Variants in MEF2A observed in about 807,000 individuals in gnomAD.
MEF2A encodes the protein myocyte-specific enhancer factor 2A.
A neutral mutation model predicts 55.8 loss-of-function variants in MEF2A; 28 were observed. The observed-to-expected ratio is 0.50, with a 90% CI of 0.37 to 0.69. MEF2A has a LOEUF of 0.69. Among genes scored for constraint, MEF2A ranks in the 30% least tolerant of loss-of-function variants. MEF2A has a pLI of 0.00. For synonymous variants in MEF2A, 239 were observed against 227.1 expected, an observed-to-expected ratio of 1.05 and a Z score of -0.47; for missense variants, 528 against 626.2, an observed-to-expected ratio of 0.84 and a Z score of 1.67.
At chr15:99,691,426 A>G (rs2055433517) in intron 8 of MEF2A, among the ~76,000 whole-genome samples, 1 of 152,186 alleles carries the variant, frequency 6.6e-6, no homozygotes, top group East Asian at 1.9e-4. Context: ...GGCAGGGTAC[A>G]GTGGCTCACA....
chr15:99,644,682 C>T (rs1272416122), intron 3 of MEF2A, among the ~76,000 whole-genome samples: 2 of 152,170 alleles, frequency 1.3e-5, no homozygotes, highest in Non-Finnish European at 2.9e-5. Flanking sequence ...ACTGACCTTT[C>T]AAAAACTGTT....
At chr15:99,706,012 T>C (rs985865533) in intron 9 of MEF2A, among the ~76,000 whole-genome samples, 6 of 152,234 alleles carry the variant, frequency 3.9e-5, no homozygotes, top group African/African-American at 1.4e-4. Context: ...TATTTAATAG[T>C]TGAATTTTTT....
intron 4 of MEF2A, among the ~76,000 whole-genome samples, chr15:99,647,234 C>CT (rs1290263939): frequency 6.6e-6 from 1 of 150,532 alleles, no homozygotes; most frequent in African/African-American, 2.4e-5. Flanking sequence ...TTCAGGTAAG[C>CT]TTTGTTAAGA....
intron 1 of MEF2A, among the ~76,000 whole-genome samples, chr15:99,579,526 C>G (rs1193029645): frequency 1.3e-5 from 2 of 152,074 alleles, no homozygotes; most frequent in African/African-American, 2.4e-5. Context: ...TCCCAAGTAG[C>G]TGGGATTACA....
In MEF2A at chr15:99,671,407, T is replaced by G. The variant is rs1032884839; in HGVS notation, c.343T>G (p.Phe115Val). The stretch of plus-strand genomic sequence containing the variant: ...GCACAGTCCACTCTCGGAGGACAGA[T>G]TCAGCAAACTAAATGAAGATAGTGA... ...FEHSPLSEDRFSKLNEDSDFI... is the reference protein window; with the variant it reads ...FEHSPLSEDRVSKLNEDSDFI... The change falls in exon 5 of 12, where the codon TTC becomes GTC. Residue 115 changes from phenylalanine to valine, a missense_variant. By Grantham distance (50) the Phe-to-Val change is conservative. Around this residue, in one of 2 missense-constraint regions of MEF2A, gnomAD observed 78 missense variants for 150.9 expected, o/e 0.52. Transcript: ENST00000557942. The G allele has an allele frequency of 6.2e-7, 1 of 1,613,974 alleles. No homozygotes were observed. The highest frequency in any genetic ancestry group is 1.7e-5 in the Admixed American group (1 of 60,032).
intron 7 of MEF2A, among the ~76,000 whole-genome samples, chr15:99,677,354 C>CA (rs1358394443): frequency 1.3e-5 from 2 of 151,704 alleles, no homozygotes; most frequent in African/African-American, 4.8e-5. Flanking sequence ...ATTTAAAAAA[C>CA]AAAAAGATTG....
chr15:99,610,661 A>AT (rs922600827), intron 2 of MEF2A, among the ~76,000 whole-genome samples: 8 of 151,982 alleles, frequency 5.3e-5, no homozygotes, highest in East Asian at 1.9e-4. Flanking sequence ...TGGCCAATTG[A>AT]TTTTTTTTAA....
intron 1 of MEF2A, among the ~76,000 whole-genome samples, chr15:99,593,425 A>G (rs552945123): frequency 6.6e-6 from 1 of 152,308 alleles, no homozygotes; most frequent in South Asian, 2.1e-4. Flanking sequence ...GTTCAATGGG[A>G]GAGCATGTCC....
At chr15:99,663,406 A>G (rs2153581708) in intron 4 of MEF2A, among the ~76,000 whole-genome samples, 1 of 152,212 alleles carries the variant, frequency 6.6e-6, no homozygotes, top group South Asian at 2.1e-4. Context: ...ACTACCAAGA[A>G]CTGAAAACAC....
intron 3 of MEF2A, among the ~76,000 whole-genome samples, chr15:99,642,018 G>A (rs1394355365): frequency 2.0e-5 from 3 of 151,942 alleles, no homozygotes; most frequent in Admixed American, 2.0e-4. Context: ...ATGCTTGTTG[G>A]TTTTTTTGCC....
chr15:99,663,321 TATAGTA>T (rs2048999328), intron 4 of MEF2A, among the ~76,000 whole-genome samples: 1 of 152,126 alleles, frequency 6.6e-6, no homozygotes, highest in African/African-American at 2.4e-5. Context: ...TGCCAAAGAT[TATAGTA>T]ATATGCATTT....
intron 8 of MEF2A, chr15:99,690,635 A>T (rs1469754131): frequency 1.5e-6 from 1 of 688,254 alleles, no homozygotes; most frequent in Admixed American, 2.0e-5. Context: ...ACAGTTACTT[A>T]AAATTAAAGC....
chr15:99,663,267 C>T (rs954887407), intron 4 of MEF2A, among the ~76,000 whole-genome samples: 5 of 152,000 alleles, frequency 3.3e-5, no homozygotes. Flanking sequence ...ATTTATTAAA[C>T]ATATTTAGAA....
At chr15:99,687,358 GGT>G (rs1184310151) in intron 7 of MEF2A, among the ~76,000 whole-genome samples, 1 of 151,900 alleles carries the variant, frequency 6.6e-6, no homozygotes, top group Non-Finnish European at 1.5e-5. Context: ...TTAATACAGG[GGT>G]GTGTGGGTGT....
chr15:99,611,184 G>C (rs562302164), intron 2 of MEF2A, among the ~76,000 whole-genome samples: 2 of 152,224 alleles, frequency 1.3e-5, no homozygotes, highest in African/African-American at 4.8e-5. Flanking sequence ...GGAGGTTGCA[G>C]TGAGCTGAGA....
intron 3 of MEF2A, among the ~76,000 whole-genome samples, chr15:99,635,525 C>A (rs974726338): frequency 6.6e-6 from 1 of 152,018 alleles, no homozygotes; most frequent in Non-Finnish European, 1.5e-5. Context: ...TGAATTTTTG[C>A]ACAAAGAAGA....
intron 6 of MEF2A, 94 bp from the exon 7 acceptor site, chr15:99,675,303 TGA>T: frequency 9.4e-7 from 1 of 1,061,062 alleles, no homozygotes; most frequent in South Asian, 1.3e-5. Context: ...AGGATTAGAG[TGA>T]GAGTTATCTC....
intron 3 of MEF2A, among the ~76,000 whole-genome samples, chr15:99,635,433 T>A (rs959486080): frequency 2.0e-5 from 3 of 152,226 alleles, no homozygotes; most frequent in African/African-American, 7.2e-5. Context: ...TGTTCTTCCT[T>A]ATCTAGAACA....
At chr15:99,648,680 A>G (rs1256867456) in intron 4 of MEF2A, among the ~76,000 whole-genome samples, 5 of 152,062 alleles carry the variant, frequency 3.3e-5, no homozygotes, top group African/African-American at 1.2e-4. Flanking sequence ...AATCAGCAGG[A>G]TTTTACTTTC....
Sources: gnomAD v4.1 joint callset for allele counts (sites outside exome capture counted in the v4.1 genomes callset) on GRCh38, gnomAD v4.1.1 for gene constraint, gnomAD v4.1.1 regional missense constraint, MANE v1.5 for transcripts, NCBI Gene and HGNC (gene_info 2026-07-23, HGNC 2026-07-21) for gene names.